The following ATP2B2 variants were observed in gnomAD, a reference collection of about 807,000 sequenced individuals.
ATP2B2 encodes plasma membrane calcium-transporting ATPase 2.
Under a neutral mutation model 120.0 loss-of-function variants are expected in ATP2B2, and 15 were observed. The observed-to-expected ratio is 0.12, with a 90% CI of 0.08 to 0.19. The LOEUF is 0.19. Among genes scored for constraint, ATP2B2 ranks in the 10% least tolerant of loss-of-function variants. The pLI, the probability that ATP2B2 is intolerant of heterozygous loss-of-function variation, is 1.00. For missense variants in ATP2B2, 1,045 were observed against 1,719.8 expected, an observed-to-expected ratio of 0.61 and a Z score of 6.94; for synonymous variants, 694 against 700.3, an observed-to-expected ratio of 0.99 and a Z score of 0.14.
chr3:10,340,206 C>T lies in ATP2B2; in HGVS notation c.3237+36G>A, dbSNP rs747518669. ...ATCCAGTGCTGTCTCCCTTGCCCTG[C>T]TAACAGGCACCTCCTGCGACCTACC... is the stretch of plus-strand genomic sequence containing the variant. On this transcript the variant is annotated intron_variant, in intron 21 of 22. Transcript: ENST00000360273. This position sits in a 1 kb window ranked among gnomAD's most constrained non-coding sequence, Gnocchi z 5.0. The T allele has an allele frequency of 2.5e-6, 4 of 1,601,836 alleles. No individual in the cohort carries two copies. In the Admixed American group the frequency reaches 5.0e-5, roughly 20 times the overall value.
chr3:10,351,731 A>G (rs989636718), intron 14 of ATP2B2, among the ~76,000 whole-genome samples: 2 of 152,232 alleles, frequency 1.3e-5, no homozygotes, highest in Non-Finnish European at 2.9e-5. Context: ...CCCTAATCCA[A>G]CAGGAATGGT....
intron 2 of ATP2B2, among the ~76,000 whole-genome samples, chr3:10,581,165 T>C (rs1446714838): frequency 6.6e-6 from 1 of 152,226 alleles, no homozygotes; most frequent in Non-Finnish European, 1.5e-5. Context: ...AGGATTTGAA[T>C]CCACCATGCC....
chr3:10,616,294 T>A (rs2069384542), intron 2 of ATP2B2, among the ~76,000 whole-genome samples: 1 of 152,192 alleles, frequency 6.6e-6, no homozygotes, highest in Non-Finnish European at 1.5e-5. Context: ...CTGACTGGTG[T>A]CTTTATAAGA....
intron 1 of ATP2B2, among the ~76,000 whole-genome samples, chr3:10,672,913 G>A (rs2071136442): frequency 6.6e-6 from 1 of 152,154 alleles, no homozygotes; most frequent in Non-Finnish European, 1.5e-5. Flanking sequence ...AGCCAGTCGG[G>A]GGAAAGGATG....
intron 2 of ATP2B2, among the ~76,000 whole-genome samples, chr3:10,437,944 T>A (rs2063530319): frequency 6.6e-6 from 1 of 152,166 alleles, no homozygotes; most frequent in Admixed American, 6.5e-5. Context: ...AAGATGGCCA[T>A]CTACAAGCCT....
chr3:10,476,354 C>T (rs1361858090), intron 1 of ATP2B2, among the ~76,000 whole-genome samples: 1 of 152,198 alleles, frequency 6.6e-6, no homozygotes, highest in Non-Finnish European at 1.5e-5. Context: ...GAAGCCCTCA[C>T]CCCACAAGGA....
chr3:10,634,998 G>C (rs77596092), intron 1 of ATP2B2, among the ~76,000 whole-genome samples: 1 of 152,100 alleles, frequency 6.6e-6, no homozygotes, highest in Admixed American at 6.5e-5. Flanking sequence ...ACACAACAGC[G>C]TATGGGATTG....
chr3:10,603,807 A>G (rs2125595704), intron 2 of ATP2B2, among the ~76,000 whole-genome samples: 1 of 152,278 alleles, frequency 6.6e-6, no homozygotes, highest in Middle Eastern at 3.4e-3. Flanking sequence ...CCAGGAAAAA[A>G]AAACAAATCT....
intron 1 of ATP2B2, among the ~76,000 whole-genome samples, chr3:10,488,043 A>ATC (rs1411810602): frequency 6.6e-6 from 1 of 151,062 alleles, no homozygotes; most frequent in Non-Finnish European, 1.5e-5. Flanking sequence ...TCATTCATCC[A>ATC]TCTCTCTCTC....
At chr3:10,459,440 G>A (rs1485207463) in intron 1 of ATP2B2, among the ~76,000 whole-genome samples, 1 of 152,190 alleles carries the variant, frequency 6.6e-6, no homozygotes, top group Non-Finnish European at 1.5e-5. Flanking sequence ...ATGGGCCAGC[G>A]GCTCTGGACA....
intron 2 of ATP2B2, among the ~76,000 whole-genome samples, chr3:10,430,372 G>C (rs1388519419): frequency 6.6e-6 from 1 of 152,300 alleles, no homozygotes; most frequent in East Asian, 1.9e-4. Context: ...AAGAACATTG[G>C]TGGTTCACAA....
Position 10,517,754 on chromosome 3 carries a change from G to A in ATP2B2, c.-320+16285C>T, listed in dbSNP as rs541847054. Among the ~76,000 whole-genome samples, 591 of 152,308 alleles carry A rather than the reference G, an allele frequency of 3.9e-3. 2 individuals carry two copies. Among genetic ancestry groups the A allele is most frequent in the African/African-American group, 0.013 (548 of 41,552 alleles). On this transcript the variant is annotated intron_variant, in intron 3 of 21. Coordinates refer to the ATP2B2 transcript ENST00000646379. ...CAGAGCCTTGCACATGCACAGTCTC[G>A]CACCAGGCAGTGACAGCTCCAGGAT...
At chr3:10,527,118 G>T (rs2125465971) in intron 3 of ATP2B2, among the ~76,000 whole-genome samples, 1 of 152,252 alleles carries the variant, frequency 6.6e-6, no homozygotes, top group East Asian at 1.9e-4. Flanking sequence ...CATGACCTAG[G>T]TCATCTCCTC....
intron 22 of ATP2B2, chr3:10,331,898 C>T: frequency 7.3e-7 from 1 of 1,371,298 alleles, no homozygotes; most frequent in Non-Finnish European, 1.0e-6. Context: ...GTTCTACATA[C>T]TCGAATGTTT....
chr3:10,349,801 C>T (rs540422875), intron 16 of ATP2B2, among the ~76,000 whole-genome samples: 221 of 152,262 alleles, frequency 1.5e-3, no homozygotes, highest in Non-Finnish European at 2.5e-3. Flanking sequence ...GGCGCTGTAC[C>T]GGCCACATAG....
At chr3:10,505,265 C>A (rs1398480546) in intron 1 of ATP2B2, among the ~76,000 whole-genome samples, 200 bp downstream of exon 1, 1 of 152,156 alleles carries the variant, frequency 6.6e-6, no homozygotes, top group East Asian at 1.9e-4. Flanking sequence ...TCAGCGGCGG[C>A]TCCCAGTGCA....
chr3:10,459,699 A>C (rs894515668), intron 1 of ATP2B2, among the ~76,000 whole-genome samples: 2 of 152,266 alleles, frequency 1.3e-5, no homozygotes, highest in African/African-American at 2.4e-5. Context: ...TGGAAGAAGA[A>C]CAAAAAATGA....
chr3:10,550,090 G>T (rs528495955), intron 2 of ATP2B2, among the ~76,000 whole-genome samples: 80 of 152,242 alleles, frequency 5.3e-4, no homozygotes, highest in Non-Finnish European at 6.8e-4. Flanking sequence ...TCACATGACA[G>T]GTCTTGGGAA....
At chr3:10,539,622 T>TC (rs1490879301) in intron 2 of ATP2B2, among the ~76,000 whole-genome samples, 1 of 152,114 alleles carries the variant, frequency 6.6e-6, no homozygotes, top group Non-Finnish European at 1.5e-5. Context: ...GGGGAAAGGA[T>TC]CCCCTATTTA....
Sources: gnomAD v4.1 joint callset for allele counts (sites outside exome capture counted in the v4.1 genomes callset) on GRCh38, gnomAD v4.1.1 for gene constraint, Gnocchi (gnomAD v3.1) non-coding constraint, MANE v1.5 for transcripts, NCBI Gene and HGNC (gene_info 2026-07-23, HGNC 2026-07-21) for gene names.